The following NRROS variants were observed in gnomAD, a reference collection of about 807,000 sequenced individuals.
The protein encoded by NRROS is transforming growth factor beta activator LRRC33.
Under a neutral mutation model 12.0 loss-of-function variants are expected in NRROS, and 6 were observed. The ratio of observed to expected loss-of-function variants is 0.50; its 90% CI spans 0.27 to 0.98. The LOEUF (loss-of-function observed/expected upper bound fraction) is 0.98. NRROS is among the 50% of genes least tolerant of loss of function. NRROS has a pLI of 0.11. For missense variants in NRROS, 857 were observed against 888.2 expected (o/e 0.96, Z 0.45); for synonymous variants, 462 against 410.2 (o/e 1.13, Z -1.53).
chr3:196,651,841 A>G (rs1469306580), intron 1 of NRROS, among the ~76,000 whole-genome samples: 1 of 152,046 alleles, frequency 6.6e-6, no homozygotes, highest in Non-Finnish European at 1.5e-5. Flanking sequence ...AGCGGAAGAA[A>G]CTCTAGGATG....
chr3:196,648,745 A>T (rs1450074302), intron 1 of NRROS, among the ~76,000 whole-genome samples: 2 of 142,796 alleles, frequency 1.4e-5, no homozygotes, highest in Non-Finnish European at 3.0e-5. Flanking sequence ...CAGCCTGGGC[A>T]ACAAGAGTGA....
intron 2 of NRROS, among the ~76,000 whole-genome samples, chr3:196,655,478 T>A (rs1737517997): frequency 6.6e-6 from 1 of 151,438 alleles, no homozygotes; most frequent in African/African-American, 2.4e-5. Context: ...GAGGTTGCAG[T>A]GAGCCGAGAT....
At chr3:196,651,296 A>G (rs139501462) in intron 1 of NRROS, among the ~76,000 whole-genome samples, 1 of 152,306 alleles carries the variant, frequency 6.6e-6, no homozygotes, top group African/African-American at 2.4e-5. Context: ...ACATGATTGT[A>G]TTAGTCAGGG....
chr3:196,642,098 G>A (rs1737219846), intron 1 of NRROS, among the ~76,000 whole-genome samples: 1 of 152,076 alleles, frequency 6.6e-6, no homozygotes, highest in Non-Finnish European at 1.5e-5. Context: ...ATTCTGTGAT[G>A]GGGCTCAGGG....
chr3:196,644,259 C>A (rs539945148), intron 1 of NRROS, among the ~76,000 whole-genome samples: 1 of 152,104 alleles, frequency 6.6e-6, no homozygotes, highest in South Asian at 2.1e-4. Flanking sequence ...GGGTGCTGTT[C>A]AGAATATCAG....
In NRROS at chr3:196,660,180, C is replaced by T. The variant is rs757237257; in HGVS notation, c.537C>T (p.Gly179=). The change falls in exon 3 of 3, where the codon GGC becomes GGT. Residue 179 remains glycine, a synonymous_variant. Transcript: ENST00000328557. The surrounding 1 kb of genome is among the most constrained non-coding windows in gnomAD (Gnocchi z 7.7). ...GGCTGGACGACTCCGTCTTCGAGGG[C>T]CTGGAGCGTCTCCGGGAGCTGGATC... ...IMRLDDSVFE[G]LERLRELDLQ... The T allele has an allele frequency of 1.2e-6, 2 of 1,613,100 alleles. No individual in the cohort carries two copies. The highest frequency in any genetic ancestry group is 3.3e-5 in the Admixed American group (2 of 60,022).
At chr3:196,651,877 G>A (rs1037034522) in intron 1 of NRROS, among the ~76,000 whole-genome samples, 2 of 152,196 alleles carry the variant, frequency 1.3e-5, no homozygotes, top group African/African-American at 2.4e-5. Context: ...GAGAGGAAGG[G>A]AGAGAAGTAT....
At chr3:196,655,752 C>T (rs1270398593) in intron 2 of NRROS, among the ~76,000 whole-genome samples, 1 of 152,180 alleles carries the variant, frequency 6.6e-6, no homozygotes, top group Non-Finnish European at 1.5e-5. Context: ...AGACCCGGAG[C>T]GTGGATACCC....
At chr3:196,641,564 A>C (rs924488062) in intron 1 of NRROS, among the ~76,000 whole-genome samples, 1 of 152,152 alleles carries the variant, frequency 6.6e-6, no homozygotes, top group Non-Finnish European at 1.5e-5. Context: ...ACATTCTCTT[A>C]TAGTTTTTAA....
chr3:196,658,614 T>C (rs2108642345), intron 2 of NRROS, among the ~76,000 whole-genome samples: 1 of 152,338 alleles, frequency 6.6e-6, no homozygotes, highest in South Asian at 2.1e-4. Context: ...ACCACTGCCC[T>C]TGTATTACTG....
At chr3:196,641,799 G>A (rs146042590) in intron 1 of NRROS, among the ~76,000 whole-genome samples, 4 of 152,158 alleles carry the variant, frequency 2.6e-5, no homozygotes, top group African/African-American at 7.2e-5. Flanking sequence ...CCAGACTCTC[G>A]TATGGACAAT....
At chr3:196,645,793 C>T (rs1018654855) in intron 1 of NRROS, among the ~76,000 whole-genome samples, 5 of 152,296 alleles carry the variant, frequency 3.3e-5, no homozygotes, top group South Asian at 2.1e-4. Context: ...CACAGTCTAC[C>T]GTGGACCCTG....
intron 2 of NRROS, among the ~76,000 whole-genome samples, chr3:196,657,997 C>T (rs979764285): frequency 7.9e-5 from 12 of 152,126 alleles, no homozygotes; most frequent in South Asian, 2.1e-4. Flanking sequence ...AGTATAATTT[C>T]GGTTTTACAG....
At chr3:196,658,827 G>T (rs1047019796) in intron 2 of NRROS, among the ~76,000 whole-genome samples, 1 of 152,054 alleles carries the variant, frequency 6.6e-6, no homozygotes, top group Non-Finnish European at 1.5e-5. Flanking sequence ...AAAGTTAGCT[G>T]GGCGTGGTGG....
Position 196,660,378 on chromosome 3 carries a change from G to A in NRROS, c.735G>A (p.Gly245=). ...YNVLEWFLAT[G]GEAAFELETL... ...TCCTGGAGTGGTTCCTCGCGACCGG[G>A]GGAGAGGCTGCCTTCGAGCTGGAGA... Residue 245 remains glycine (G), a synonymous_variant, in exon 3 of 3, where the codon GGG becomes GGA. Coordinates refer to ENST00000328557, the MANE Select transcript of NRROS (RefSeq NM_198565.3). This position sits in a 1 kb window ranked among gnomAD's most constrained non-coding sequence, Gnocchi z 7.7. The A allele has an allele frequency of 6.2e-7, 1 of 1,614,008 alleles. No homozygotes were observed. Among genetic ancestry groups the A allele is most frequent in the South Asian group, 1.1e-5 (1 of 91,082 alleles).
intron 2 of NRROS, among the ~76,000 whole-genome samples, chr3:196,657,127 C>A (rs557344357): frequency 6.6e-5 from 10 of 151,624 alleles, no homozygotes; most frequent in Non-Finnish European, 7.4e-5. Context: ...TCGCTTGAAC[C>A]AGGGAGGCCG....
At chr3:196,657,833 G>A (rs571069574) in intron 2 of NRROS, among the ~76,000 whole-genome samples, 10 of 152,198 alleles carry the variant, frequency 6.6e-5, no homozygotes, top group South Asian at 4.1e-4. Flanking sequence ...TCTAACGTTC[G>A]TCTGGAAATT....
At chr3:196,649,750 G>A (rs1233327261) in intron 1 of NRROS, among the ~76,000 whole-genome samples, 3 of 152,220 alleles carry the variant, frequency 2.0e-5, no homozygotes, top group African/African-American at 7.2e-5. Context: ...GATTACAGGC[G>A]TGAGCCACTG....
intron 1 of NRROS, among the ~76,000 whole-genome samples, chr3:196,640,327 C>T (rs1266782902): frequency 3.3e-5 from 5 of 152,192 alleles, no homozygotes; most frequent in African/African-American, 1.2e-4. Flanking sequence ...ACTGGGCTCT[C>T]CTTTCCTGTC....
Sources: gnomAD v4.1 joint callset for allele counts (sites outside exome capture counted in the v4.1 genomes callset) on GRCh38, gnomAD v4.1.1 for gene constraint, Gnocchi (gnomAD v3.1) non-coding constraint, MANE v1.5 for transcripts, NCBI Gene and HGNC (gene_info 2026-07-23, HGNC 2026-07-21) for gene names.